C2orf72: variants seen among roughly 807,000 people sequenced by gnomAD.
C2orf72 encodes the protein uncharacterized protein C2orf72.
Under a neutral mutation model 14.4 loss-of-function variants are expected in C2orf72, and 16 were observed. The observed-to-expected ratio is 1.11, with a 90% confidence interval of 0.75 to 1.69. C2orf72 has a LOEUF of 1.69. C2orf72 is among the 40% of genes most tolerant of loss of function. C2orf72 has a pLI of 0.00. For missense variants in C2orf72, 371 were observed against 358.3 expected, an observed-to-expected ratio of 1.04 and a Z score of -0.29; for synonymous variants, 168 against 176.8, an observed-to-expected ratio of 0.95 and a Z score of 0.40.
intron 1 of C2orf72, among the ~76,000 whole-genome samples, chr2:231,040,311 C>T (rs1364503892): frequency 6.6e-6 from 1 of 152,240 alleles, no homozygotes; most frequent in Admixed American, 6.5e-5. Flanking sequence ...ACACCATCTG[C>T]AGTCCCATTT....
At chr2:231,042,513 C>T (rs1471696375) in intron 2 of C2orf72, among the ~76,000 whole-genome samples, 1 of 152,178 alleles carries the variant, frequency 6.6e-6, no homozygotes, top group African/African-American at 2.4e-5. Flanking sequence ...ATAGTGACGC[C>T]ATGGATGGGG....
In C2orf72 at chr2:231,037,595, C is replaced by G. The variant is rs1171931630; in HGVS notation, c.30C>G (p.Ala10=). 9.3e-7 allele frequency: 1 copy of G among 1,071,196 alleles called. No homozygotes were observed. Among genetic ancestry groups the G allele is most frequent in the Admixed American group, 5.4e-5 (1 of 18,582 alleles). The allele number at this position is 1,071,196 out of a possible 1,614,324, so 66.4% of individuals were successfully genotyped here. Residue 10 remains alanine, a synonymous_variant, in exon 1 of 3, where the codon GCC becomes GCG. Transcript: ENST00000373640. MERELEALA[A]RLARPAEPPF... is the part of the protein sequence containing the mutation. ...AGCGCGAGCTGGAGGCGCTGGCGGC[C>G]CGGCTTGCGCGCCCTGCCGAGCCGC...
chr2:231,037,609 C>A lies in C2orf72; in HGVS notation c.44C>A (p.Pro15His). Residue 15 changes from proline (P) to histidine (H), a missense_variant, in exon 1 of 3, where the codon CCT (proline) becomes CAT (histidine). Pro to His is a moderately conservative substitution (Grantham distance 77). Around this residue, in one of 3 missense-constraint regions of C2orf72, gnomAD observed 214 missense variants for 178.7 expected, o/e 1.20. Coordinates refer to ENST00000373640, the MANE Select transcript of C2orf72 (RefSeq NM_001144994.2). ...GCGCTGGCGGCCCGGCTTGCGCGCC[C>A]TGCCGAGCCGCCCTTCCAGGCGTTG... ...LEALAARLARPAEPPFQALVE... is the reference protein window; with the variant it reads ...LEALAARLARHAEPPFQALVE... 1 of 1,094,018 alleles carries A rather than the reference C, an allele frequency of 9.1e-7. No homozygotes were observed. Among genetic ancestry groups the A allele is most frequent in the South Asian group, 2.5e-5 (1 of 39,376 alleles). The allele number at this position is 1,094,018 out of a possible 1,614,324, so 67.8% of individuals were successfully genotyped here. A position where few individuals can be genotyped will look rare whatever the true frequency, so the allele number is the denominator to read the frequency against.
At chr2:231,041,141 C>T in intron 1 of C2orf72, 155 bp from the exon 2 acceptor site, 1 of 536,360 alleles carries the variant, frequency 1.9e-6, no homozygotes. Context: ...TTTAAAAACC[C>T]ACCCACTTTT....
chr2:231,037,669 T>G lies in C2orf72; in HGVS notation c.104T>G (p.Leu35Arg). 1 of 1,105,094 alleles carries G rather than the reference T, an allele frequency of 9.0e-7. No homozygotes were observed. Among genetic ancestry groups the G allele is most frequent in the African/African-American group, 1.7e-5 (1 of 58,188 alleles). 68.5% of individuals were successfully genotyped at this position (1,105,094 alleles called of 1,614,324 possible). A position where few individuals can be genotyped will look rare whatever the true frequency, so the allele number is the denominator to read the frequency against. Reference protein sequence around the residue: ...EAAGGRGQVLLVGELWEREQS... With the variant: ...EAAGGRGQVLRVGELWEREQS... ...GCGGGGGGCCGCGGGCAGGTGCTGC[T>G]GGTGGGCGAGCTGTGGGAGCGCGAA... The change falls in exon 1 of 3, where the codon CTG becomes CGG. Residue 35 changes from leucine to arginine, a missense_variant. Around this residue, in one of 3 missense-constraint regions of C2orf72, gnomAD observed 214 missense variants for 178.7 expected, o/e 1.20. Transcript: ENST00000373640.
intron 2 of C2orf72, among the ~76,000 whole-genome samples, chr2:231,041,784 C>T (rs1008997489): frequency 4.0e-5 from 6 of 151,892 alleles, no homozygotes; most frequent in South Asian, 4.2e-4. Context: ...GAGGGATTTT[C>T]GTAGGCAGAA....
intron 2 of C2orf72, among the ~76,000 whole-genome samples, chr2:231,046,264 C>T (rs1235961286): frequency 6.7e-6 from 1 of 149,490 alleles, no homozygotes; most frequent in African/African-American, 2.5e-5. Flanking sequence ...AGATCTTATT[C>T]GGATTTCCCC....
intron 2 of C2orf72, among the ~76,000 whole-genome samples, chr2:231,045,720 A>G (rs1171026359): frequency 6.6e-6 from 1 of 151,948 alleles, no homozygotes; most frequent in Non-Finnish European, 1.5e-5. Context: ...GGGTTTCACC[A>G]TGTTAGACAG....
At chr2:231,041,049 T>G (rs980510373) in intron 1 of C2orf72, 2 of 369,166 alleles carry the variant, frequency 5.4e-6, no homozygotes, top group African/African-American at 4.2e-5. Context: ...TTCCTCAACA[T>G]GGTACCTACA....
chr2:231,037,916 C>G lies in C2orf72; in HGVS notation c.351C>G (p.Ala117=). Residue 117 remains alanine, a synonymous_variant, in exon 1 of 3, where the codon GCC becomes GCG. Transcript: ENST00000373640. ...TGCTGTGCCGCGCGTCGTCGCTGGCCGCCCGGGAGCCGCGGCGCCGCCTGC... is the reference window on the plus strand; with the variant it reads ...TGCTGTGCCGCGCGTCGTCGCTGGCGGCCCGGGAGCCGCGGCGCCGCCTGC... ...VFVLCRASSL[A]AREPRRRLRE... 9.8e-7 allele frequency: 1 copy of G among 1,025,248 alleles called. No individual in the cohort carries two copies. Among genetic ancestry groups the G allele is most frequent in the South Asian group, 3.7e-5 (1 of 27,206 alleles). 63.5% of individuals were successfully genotyped at this position (1,025,248 alleles called of 1,614,324 possible).
chr2:231,047,486 G>T lies in C2orf72; in HGVS notation c.*465G>T. On this transcript the variant is annotated 3_prime_UTR_variant, in exon 3 of 3. Coordinates refer to ENST00000373640, the MANE Select transcript of C2orf72 (RefSeq NM_001144994.2). Reference sequence around the variant, plus strand: ...TCTCTGGGGCTTCTGTTTCACAAATGCATGAGGGGGCCACCAGCCCAGTGG... The same window carrying T: ...TCTCTGGGGCTTCTGTTTCACAAATTCATGAGGGGGCCACCAGCCCAGTGG... 1 of 288,920 alleles carries T rather than the reference G, an allele frequency of 3.5e-6. No homozygotes were observed. Among genetic ancestry groups the T allele is most frequent in the South Asian group, 3.3e-5 (1 of 30,580 alleles). 17.9% of individuals were successfully genotyped at this position (288,920 alleles called of 1,614,324 possible). A position where few individuals can be genotyped will look rare whatever the true frequency, so the allele number is the denominator to read the frequency against.
intron 2 of C2orf72, among the ~76,000 whole-genome samples, chr2:231,043,395 A>T (rs1171573430): frequency 6.6e-6 from 1 of 151,984 alleles, no homozygotes; most frequent in Non-Finnish European, 1.5e-5. Context: ...CTCAAAAAAA[A>T]GTACAAAAAA....
intron 2 of C2orf72, among the ~76,000 whole-genome samples, chr2:231,045,124 C>T (rs1432787900): frequency 1.3e-5 from 2 of 151,670 alleles, no homozygotes; most frequent in Non-Finnish European, 2.9e-5. Flanking sequence ...TTAGCCAGGG[C>T]GTGGTGGCAC....
intron 2 of C2orf72, among the ~76,000 whole-genome samples, chr2:231,043,713 A>G (rs1035661882): frequency 6.6e-6 from 1 of 152,220 alleles, no homozygotes; most frequent in Non-Finnish European, 1.5e-5. Flanking sequence ...TCTCTGTGGT[A>G]TGTACAAATC....
intron 1 of C2orf72, among the ~76,000 whole-genome samples, chr2:231,040,207 G>A (rs372466680): frequency 2.0e-5 from 3 of 152,212 alleles, no homozygotes; most frequent in East Asian, 3.9e-4. Context: ...GTTCACTGGC[G>A]AAATCCCAGA....
Position 231,038,200 on chromosome 2 carries a change from G to C in C2orf72, c.634+1G>C, listed in dbSNP as rs1184831061. ...CAAGCCGCCGGAGCCGGGCAACCAG[G>C]TGAGACTGCGCGGGGCCCGGCTGGG... is the stretch of plus-strand genomic sequence containing the variant. On this transcript the variant is annotated splice_donor_variant, in intron 1 of 2. Coordinates refer to ENST00000373640, the MANE Select transcript of C2orf72 (RefSeq NM_001144994.2). LOFTEE classifies it high-confidence loss of function. 1.3e-4 allele frequency: 152 copies of C among 1,186,728 alleles called. No individual in the cohort carries two copies. Among genetic ancestry groups the C allele is most frequent in the Admixed American group, 1.8e-4 (4 of 22,164 alleles). The allele number at this position is 1,186,728 out of a possible 1,614,324, so 73.5% of individuals were successfully genotyped here.
In C2orf72 at chr2:231,037,579, TG is replaced by T; in HGVS notation, c.16del (p.Glu6ArgfsTer220). 1 of 1,051,192 alleles carries T rather than the reference TG, an allele frequency of 9.5e-7. No individual in the cohort carries two copies. The highest frequency in any genetic ancestry group is 1.1e-6 in the Non-Finnish European group (1 of 874,848). The allele number at this position is 1,051,192 out of a possible 1,614,324, so 65.1% of individuals were successfully genotyped here. On this transcript the variant is annotated frameshift_variant, in exon 1 of 3. Coordinates refer to ENST00000373640, the MANE Select transcript of C2orf72 (RefSeq NM_001144994.2). LOFTEE classifies it high-confidence loss of function. Reference sequence around the variant, plus strand: ...GCGGCGGCCAGCATGGAGCGCGAGCTGGAGGCGCTGGCGGCCCGGCTTGCGC... The same window carrying T: ...GCGGCGGCCAGCATGGAGCGCGAGCTGAGGCGCTGGCGGCCCGGCTTGCGC... MERELEALAARLARP... is the reference protein window; with the variant it reads MEREXEALAARLARP...
Position 231,047,078 on chromosome 2 carries a change from T to C in C2orf72, c.*57T>C. ...ACCTACAGACTGGGGCCTGGCTCCG[T>C]CTTACTGGCCCCCAGGTCTCCATGG... is the stretch of plus-strand genomic sequence containing the variant. On this transcript the variant is annotated 3_prime_UTR_variant, in exon 3 of 3. Coordinates refer to ENST00000373640, the MANE Select transcript of C2orf72 (RefSeq NM_001144994.2). The C allele has an allele frequency of 3.2e-6, 5 of 1,547,948 alleles. No homozygotes were observed. The highest frequency in any genetic ancestry group is 1.7e-6 in the Non-Finnish European group (2 of 1,143,960).
intron 2 of C2orf72, among the ~76,000 whole-genome samples, chr2:231,042,149 C>G (rs1015790399): frequency 2.7e-4 from 41 of 152,046 alleles, no homozygotes; most frequent in Non-Finnish European, 5.0e-4. Flanking sequence ...AGAAAACTCA[C>G]CCGGAGCCAC....
Sources: gnomAD v4.1 joint callset for allele counts (sites outside exome capture counted in the v4.1 genomes callset) on GRCh38, gnomAD v4.1.1 for gene constraint, gnomAD v4.1.1 regional missense constraint, MANE v1.5 for transcripts, NCBI Gene and HGNC (gene_info 2026-07-23, HGNC 2026-07-21) for gene names.